Variants in MGMT observed in about 807,000 individuals in gnomAD.
MGMT encodes the protein O-6-methylguanine-DNA methyltransferase, also known as methylated-DNA--protein-cysteine methyltransferase.
A neutral mutation model predicts 15.9 loss-of-function variants in MGMT; 14 were observed. The ratio of observed to expected loss-of-function variants is 0.88; its 90% CI spans 0.58 to 1.37. The LOEUF is 1.37. MGMT is among the 40% of genes most tolerant of loss of function. MGMT has a pLI of 0.00. For missense variants in MGMT, 282 were observed against 268.1 expected (o/e 1.05, Z -0.36); for synonymous variants, 130 against 118.2 (o/e 1.10, Z -0.65).
At chr10:129,749,290 C>T (rs956149431) in intron 3 of MGMT, among the ~76,000 whole-genome samples, 1 of 152,190 alleles carries the variant, frequency 6.6e-6, no homozygotes, top group African/African-American at 2.4e-5. Flanking sequence ...CTATTCAGTC[C>T]CCCGCTCCTT....
At chr10:129,507,629 G>A (rs532309353) in intron 1 of MGMT, among the ~76,000 whole-genome samples, 1 of 152,320 alleles carries the variant, frequency 6.6e-6, no homozygotes, top group South Asian at 2.1e-4. Flanking sequence ...GGCCGGAGGA[G>A]ATGGGGATTT....
At chr10:129,530,094 G>A (rs971012990) in intron 1 of MGMT, among the ~76,000 whole-genome samples, 1 of 152,034 alleles carries the variant, frequency 6.6e-6, no homozygotes, top group Non-Finnish European at 1.5e-5. Flanking sequence ...GTAGAGCTGG[G>A]GTTTCGCCAC....
At chr10:129,693,603 A>G (rs1847995563) in intron 2 of MGMT, 1 of 152,514 alleles carries the variant, frequency 6.6e-6, no homozygotes, top group Non-Finnish European at 1.5e-5. Flanking sequence ...GTTTGGGACC[A>G]GAGCTTAAAA....
chr10:129,620,670 A>G (rs1006172051), intron 2 of MGMT, among the ~76,000 whole-genome samples: 1 of 152,058 alleles, frequency 6.6e-6, no homozygotes, highest in African/African-American at 2.4e-5. Context: ...TGCATGTGTT[A>G]TACTCTTTTC....
chr10:129,583,306 C>G (rs1257265354), intron 2 of MGMT, among the ~76,000 whole-genome samples: 1 of 152,156 alleles, frequency 6.6e-6, no homozygotes, highest in Non-Finnish European at 1.5e-5. Flanking sequence ...AATAAAGACC[C>G]ATTATCATCA....
intron 2 of MGMT, among the ~76,000 whole-genome samples, chr10:129,687,080 C>T (rs1589936565): frequency 6.6e-6 from 1 of 152,148 alleles, no homozygotes; most frequent in African/African-American, 2.4e-5. Context: ...AACCCTGTGT[C>T]ACAAATAGTA....
intron 2 of MGMT, among the ~76,000 whole-genome samples, chr10:129,666,429 G>T (rs1847659585): frequency 6.6e-6 from 1 of 151,886 alleles, no homozygotes; most frequent in African/African-American, 2.4e-5. Context: ...CACTTATTCA[G>T]CACTTCTTTT....
At chr10:129,614,312 A>G (rs1437170285) in intron 2 of MGMT, among the ~76,000 whole-genome samples, 1 of 152,064 alleles carries the variant, frequency 6.6e-6, no homozygotes, top group Non-Finnish European at 1.5e-5. Context: ...TTAGAGCAAA[A>G]CCCGTTTCCC....
chr10:129,589,723 G>T (rs1846659936), intron 2 of MGMT, among the ~76,000 whole-genome samples: 1 of 152,200 alleles, frequency 6.6e-6, no homozygotes, highest in African/African-American at 2.4e-5. Flanking sequence ...TGCTGGACAG[G>T]CAGACTCCCA....
chr10:129,689,278 C>T (rs1018357077), intron 2 of MGMT, among the ~76,000 whole-genome samples: 9 of 152,190 alleles, frequency 5.9e-5, no homozygotes, highest in African/African-American at 1.9e-4. Context: ...TCACTTCTAG[C>T]TTTCACTTTG....
At position 129,467,293 on chromosome 10, in the gene MGMT, C is replaced by T. The variant is rs1231810148; in HGVS notation, c.-16C>T. On this transcript the variant is annotated 5_prime_UTR_variant, in exon 1 of 5. Coordinates refer to ENST00000651593, the MANE Select transcript of MGMT (RefSeq NM_002412.5). ...TCCTCGCGGTGCGCACCGTTTGCGA[C>T]TTGGTGAGTGTCTGGGTCGCCTCGC... is the stretch of plus-strand genomic sequence containing the variant. 1.3e-6 allele frequency: 2 copies of T among 1,541,644 alleles called. No homozygotes were observed. The highest frequency in any genetic ancestry group is 2.8e-5 in the African/African-American group (2 of 72,110).
Position 129,532,383 on chromosome 10 carries a change from G to A in MGMT, c.-12-3858G>A, listed in dbSNP as rs977874270. On this transcript the variant is annotated intron_variant, in intron 1 of 4. Coordinates refer to ENST00000651593, the MANE Select transcript of MGMT (RefSeq NM_002412.5). This position sits in a 1 kb window ranked among gnomAD's most constrained non-coding sequence, Gnocchi z 5.3. ...GGTTTGGCTGGAAGCCTTCTCCACC[G>A]CATTCCCAACCGCTGGCCTCCCAAG... Among the ~76,000 whole-genome samples the A allele has an allele frequency of 1.3e-5, 2 of 152,174 alleles. No individual in the cohort carries two copies. The highest frequency in any genetic ancestry group is 1.9e-4 in the East Asian group (1 of 5,182).
chr10:129,753,483 T>A (rs1848772069), intron 3 of MGMT, among the ~76,000 whole-genome samples: 1 of 152,146 alleles, frequency 6.6e-6, no homozygotes, highest in South Asian at 2.1e-4. Flanking sequence ...TTGTCTCACG[T>A]GTTCTCTTTT....
chr10:129,471,559 C>T (rs1339306792), intron 1 of MGMT, among the ~76,000 whole-genome samples: 1 of 152,058 alleles, frequency 6.6e-6, no homozygotes, highest in Non-Finnish European at 1.5e-5. Flanking sequence ...GAGTCACAGC[C>T]CCTTGAACCT....
At position 129,562,421 on chromosome 10, in the gene MGMT, G is replaced by A. The variant is rs1215739484; in HGVS notation, c.125+26044G>A. 3.9e-5 allele frequency among the ~76,000 whole-genome samples: 6 copies of A among 152,332 alleles called. No homozygotes were observed. In the South Asian group the frequency reaches 8.3e-4, roughly 21 times the overall value. On this transcript the variant is annotated intron_variant, in intron 2 of 4. Transcript: ENST00000651593. ...GGCCTCGTGGTACAAAAACATGGACGATTTTGTGATTTATTATCGGAGGAC... is the reference window on the plus strand; with the variant it reads ...GGCCTCGTGGTACAAAAACATGGACAATTTTGTGATTTATTATCGGAGGAC...
intron 1 of MGMT, among the ~76,000 whole-genome samples, chr10:129,529,100 G>C (rs1845902192): frequency 6.6e-6 from 1 of 152,018 alleles, no homozygotes; most frequent in Non-Finnish European, 1.5e-5. Flanking sequence ...CCACTGTGCA[G>C]GCTGGGAAGG....
chr10:129,476,353 G>T (rs1589827460), intron 1 of MGMT, among the ~76,000 whole-genome samples: 1 of 152,188 alleles, frequency 6.6e-6, no homozygotes, highest in African/African-American at 2.4e-5. Flanking sequence ...TCTTCTGGGT[G>T]TGAGGATCTT....
At chr10:129,534,330 T>C (rs554504875) in intron 1 of MGMT, among the ~76,000 whole-genome samples, 4 of 152,130 alleles carry the variant, frequency 2.6e-5, no homozygotes, top group African/African-American at 7.2e-5. Context: ...AGGAGTGTGA[T>C]GTGGGCAGAG....
In MGMT at chr10:129,556,016, T is replaced by A. The variant is rs1846209133; in HGVS notation, c.125+19639T>A. The stretch of plus-strand genomic sequence containing the variant: ...GGAGCTGTCGAGGGGCTCTTCTGCC[T>A]CTTCAGAAACCATCATCAGCTGTGA... On this transcript the variant is annotated intron_variant, in intron 2 of 4. Transcript: ENST00000651593. This position sits in a 1 kb window ranked among gnomAD's most constrained non-coding sequence, Gnocchi z 4.3. Among the ~76,000 whole-genome samples the A allele has an allele frequency of 6.6e-6, 1 of 152,170 alleles. No homozygotes were observed. The highest frequency in any genetic ancestry group is 2.4e-5 in the African/African-American group (1 of 41,452).
Sources: allele counts gnomAD v4.1 joint callset (sites outside exome capture counted in the v4.1 genomes callset), GRCh38; gene constraint gnomAD v4.1.1; non-coding constraint Gnocchi (gnomAD v3.1); transcripts MANE v1.5; gene names NCBI Gene and HGNC (gene_info 2026-07-23, HGNC 2026-07-21).